Variants in NR0B2 observed in about 807,000 individuals in gnomAD.
NR0B2 encodes the protein nuclear receptor SHP.
A neutral mutation model predicts 18.9 loss-of-function variants in NR0B2; 17 were observed. The observed-to-expected ratio is 0.90, with a 90% CI of 0.62 to 1.35. The LOEUF (loss-of-function observed/expected upper bound fraction) is 1.35, where lower values mean the gene tolerates loss of function less well. NR0B2 is among the 40% of genes most tolerant of loss of function. The pLI, the probability that NR0B2 is intolerant of heterozygous loss-of-function variation, is 0.00. For synonymous variants in NR0B2, 116 were observed against 138.5 expected, an observed-to-expected ratio of 0.84 and a Z score of 1.14; for missense variants, 312 against 333.3, an observed-to-expected ratio of 0.94 and a Z score of 0.50.
At position 26,913,758 on chromosome 1, in the gene NR0B2, A is replaced by G. The variant is rs760292984; in HGVS notation, c.183T>C (p.Asp61=). 6.3e-7 allele frequency: 1 copy of G among 1,580,286 alleles called. No individual in the cohort carries two copies. Among genetic ancestry groups the G allele is most frequent in the East Asian group, 2.3e-5 (1 of 44,376 alleles). ...APHRTCREAL[D]VLAKTVAFLR... ...GGAAGGCCACTGTCTTGGCCAGAAC[A>G]TCCAAGGCCTCCCGGCAGGTGCGAT... The change falls in exon 1 of 2, where the codon GAT becomes GAC. Residue 61 remains aspartate, a synonymous_variant. Transcript: ENST00000254227.
Position 26,911,781 on chromosome 1 carries a change from A to T in NR0B2, c.*64T>A. The T allele has an allele frequency of 6.2e-7, 1 of 1,609,088 alleles. No individual in the cohort carries two copies. Among genetic ancestry groups the T allele is most frequent in the Non-Finnish European group, 8.5e-7 (1 of 1,176,208 alleles). On this transcript the variant is annotated 3_prime_UTR_variant, in exon 2 of 2. Coordinates refer to ENST00000254227, the MANE Select transcript of NR0B2 (RefSeq NM_021969.3). ...CAGGAGCATTGGGTCACCTCTGGGG[A>T]TGGCCAGGCTGAATCAGCACTGCCA...
Position 26,913,784 on chromosome 1 carries a change from G to A in NR0B2, c.157C>T (p.His53Tyr), listed in dbSNP as rs1327637684. Reference sequence around the variant, plus strand: ...TCCAAGGCCTCCCGGCAGGTGCGATGAGGTGCACATAGCTGGACGGGCCGG... The same window carrying A: ...TCCAAGGCCTCCCGGCAGGTGCGATAAGGTGCACATAGCTGGACGGGCCGG... ...QHRPVQLCAPHRTCREALDVL... is the reference protein window; with the variant it reads ...QHRPVQLCAPYRTCREALDVL... Residue 53 changes from histidine to tyrosine, a missense_variant, in exon 1 of 2, where the codon CAT becomes TAT. Coordinates refer to ENST00000254227, the MANE Select transcript of NR0B2 (RefSeq NM_021969.3). 1.9e-6 allele frequency: 3 copies of A among 1,557,252 alleles called. No individual in the cohort carries two copies. Among genetic ancestry groups the A allele is most frequent in the East Asian group, 2.3e-5 (1 of 43,938 alleles).
Position 26,913,639 on chromosome 1 carries a change from GCCAACCCAA to G in NR0B2, c.293_301del (p.Leu98_Ala101delinsPro), listed in dbSNP as rs765008193. ...CACCTCAAAGGTCACAGCATCTTGG[GCCAACCCAA>G]GCAGGAAGAGGGGGCCCCAGCAACC... On this transcript the variant is annotated inframe_deletion, in exon 1 of 2. Transcript: ENST00000254227. The G allele has an allele frequency of 3.9e-5, 63 of 1,613,830 alleles. No individual in the cohort carries two copies. The East Asian group carries it at 1.4e-3, about 35-fold the overall frequency.
At chr1:26,912,527 A>AT (rs1387896218) in intron 1 of NR0B2, among the ~76,000 whole-genome samples, 1 of 152,128 alleles carries the variant, frequency 6.6e-6, no homozygotes, top group African/African-American at 2.4e-5. Flanking sequence ...TGATATGAGT[A>AT]TTTGCTACTA....
chr1:26,912,627 C>G (rs1557666791), intron 1 of NR0B2, among the ~76,000 whole-genome samples: 1 of 152,214 alleles, frequency 6.6e-6, no homozygotes, highest in Non-Finnish European at 1.5e-5. Flanking sequence ...ACAAACAGCA[C>G]TGTCTCCATC....
rs1361071101 is a variant in NR0B2 at position 26,911,993 on chromosome 1, G to A, written c.626C>T (p.Ala209Val). 1 of 1,614,250 alleles carries A rather than the reference G, an allele frequency of 6.2e-7. No homozygotes were observed. The highest frequency in any genetic ancestry group is 1.7e-5 in the Admixed American group (1 of 60,036). The stretch of plus-strand genomic sequence containing the variant: ...GACACGGGTCAGGCGGCCTTGGGCT[G>A]CTGGGCACCAGGGTTCCAGGACTTC... ...LCEVLEPWCP[A>V]AQGRLTRVLL... Residue 209 changes from alanine (A) to valine (V), a missense_variant, in exon 2 of 2, where the codon GCA (alanine) becomes GTA (valine). By Grantham distance (64) the Ala-to-Val change is moderately conservative. Transcript: ENST00000254227.
intron 1 of NR0B2, among the ~76,000 whole-genome samples, chr1:26,912,716 A>G (rs1478681019): frequency 6.6e-6 from 1 of 151,912 alleles, no homozygotes; most frequent in East Asian, 1.9e-4. Context: ...CTTCTATGTG[A>G]TCTTTCTGAA....
rs2082046388 is a variant in NR0B2 at position 26,913,911 on chromosome 1, T to C, written c.30A>G (p.Pro10=). 1 of 1,481,770 alleles carries C rather than the reference T, an allele frequency of 6.7e-7. No homozygotes were observed. Among genetic ancestry groups the C allele is most frequent in the East Asian group, 2.3e-5 (1 of 43,250 alleles). 91.8% of individuals were successfully genotyped at this position (1,481,770 alleles called of 1,614,324 possible). A position where few individuals can be genotyped will look rare whatever the true frequency, so the allele number is the denominator to read the frequency against. The change falls in exon 1 of 2, where the codon CCA becomes CCG. Residue 10 remains proline (P), a synonymous_variant. Transcript: ENST00000254227. The part of the protein sequence containing the change: MSTSQPGAC[P]CQGAASRPAI... ...CGGGGCGGCTTGCAGCTCCCTGGCA[T>C]GGGCAGGCCCCTGGTTGGCTGGTGC...
Position 26,913,807 on chromosome 1 carries a change from C to A in NR0B2, c.134G>T (p.Arg45Leu). 2 of 1,526,314 alleles carry A rather than the reference C, an allele frequency of 1.3e-6. No homozygotes were observed. The highest frequency in any genetic ancestry group is 1.8e-4 in the Middle Eastern group (1 of 5,646). The allele number at this position is 1,526,314 out of a possible 1,614,324, so 94.5% of individuals were successfully genotyped here. ...PRSRCLCRQHRPVQLCAPHRT... is the reference protein window; with the variant it reads ...PRSRCLCRQHLPVQLCAPHRT... ...ATGAGGTGCACATAGCTGGACGGGC[C>A]GGTGCTGCCTACATAGGCAGCGGCT... is the stretch of plus-strand genomic sequence containing the variant. Residue 45 changes from arginine (R) to leucine (L), a missense_variant, in exon 1 of 2, where the codon CGG (arginine) becomes CTG (leucine). Coordinates refer to ENST00000254227, the MANE Select transcript of NR0B2 (RefSeq NM_021969.3).
Position 26,911,634 on chromosome 1 carries a change from A to C in NR0B2, c.*211T>G. 1 of 609,092 alleles carries C rather than the reference A, an allele frequency of 1.6e-6. No individual in the cohort carries two copies. Among genetic ancestry groups the C allele is most frequent in the Non-Finnish European group, 3.0e-6 (1 of 338,266 alleles). 37.7% of individuals were successfully genotyped at this position (609,092 alleles called of 1,614,324 possible). Reference sequence around the variant, plus strand: ...TCTTGGCCCAGAGGCTGTGGGGACCACCAAAAGCCTCCCAGGCAGCTGGAA... The same window carrying C: ...TCTTGGCCCAGAGGCTGTGGGGACCCCCAAAAGCCTCCCAGGCAGCTGGAA... On this transcript the variant is annotated 3_prime_UTR_variant, in exon 2 of 2. Coordinates refer to ENST00000254227, the MANE Select transcript of NR0B2 (RefSeq NM_021969.3).
intron 1 of NR0B2, among the ~76,000 whole-genome samples, chr1:26,912,447 G>C (rs1202908717): frequency 6.6e-6 from 1 of 152,086 alleles, no homozygotes; most frequent in Admixed American, 6.6e-5. Flanking sequence ...CTGTCTCCTA[G>C]GCTTTTATGA....
chr1:26,913,969 C>G lies in NR0B2; in HGVS notation c.-29G>C. On this transcript the variant is annotated 5_prime_UTR_variant, in exon 1 of 2. Transcript: ENST00000254227. ...TAGGGATCTGCTCTCACTTCCAGCT[C>G]TCTGGCTCTGTGTTCTGCGCTGTGG... The G allele has an allele frequency of 7.0e-7, 1 of 1,437,564 alleles. No homozygotes were observed. Among genetic ancestry groups the G allele is most frequent in the Non-Finnish European group, 9.2e-7 (1 of 1,090,924 alleles). The allele number at this position is 1,437,564 out of a possible 1,614,324, so 89.1% of individuals were successfully genotyped here.
At position 26,911,719 on chromosome 1, in the gene NR0B2, A is replaced by G; in HGVS notation, c.*126T>C. 9.0e-7 allele frequency: 1 copy of G among 1,108,912 alleles called. No individual in the cohort carries two copies. Among genetic ancestry groups the G allele is most frequent in the South Asian group, 1.3e-5 (1 of 76,750 alleles). 68.7% of individuals were successfully genotyped at this position (1,108,912 alleles called of 1,614,324 possible). ...TGTGGCTGAGTGAAGAGCTGTTCCTAAGGAGCCAAGTGCTGTCTATACAGG... is the reference window on the plus strand; with the variant it reads ...TGTGGCTGAGTGAAGAGCTGTTCCTGAGGAGCCAAGTGCTGTCTATACAGG... On this transcript the variant is annotated 3_prime_UTR_variant, in exon 2 of 2. Coordinates refer to ENST00000254227, the MANE Select transcript of NR0B2 (RefSeq NM_021969.3).
Position 26,911,598 on chromosome 1 carries a change from A to C in NR0B2, c.*247T>G, listed in dbSNP as rs1424617930. ...CTAAGCTTTCATTCTCATCCCAAGA[A>C]GGGACAGGAGTCTTGGCCCAGAGGC... On this transcript the variant is annotated 3_prime_UTR_variant, in exon 2 of 2. Coordinates refer to ENST00000254227, the MANE Select transcript of NR0B2 (RefSeq NM_021969.3). 3 of 539,358 alleles carry C rather than the reference A, an allele frequency of 5.6e-6. No homozygotes were observed. The highest frequency in any genetic ancestry group is 3.1e-5 in the Admixed American group (1 of 32,248). 33.4% of individuals were successfully genotyped at this position (539,358 alleles called of 1,614,324 possible). A position where few individuals can be genotyped will look rare whatever the true frequency, so the allele number is the denominator to read the frequency against.
Position 26,913,864 on chromosome 1 carries a change from C to T in NR0B2, c.77G>A (p.Ser26Asn). 1 of 1,504,514 alleles carries T rather than the reference C, an allele frequency of 6.6e-7. No homozygotes were observed. The highest frequency in any genetic ancestry group is 1.4e-5 in the South Asian group (1 of 72,040). 93.2% of individuals were successfully genotyped at this position (1,504,514 alleles called of 1,614,324 possible). Reference sequence around the variant, plus strand: ...TCGGGGGACAGCCTTGAGGCTGGAGCTCAGAAGTGCGTAGAGAATGGCGGG... The same window carrying T: ...TCGGGGGACAGCCTTGAGGCTGGAGTTCAGAAGTGCGTAGAGAATGGCGGG... ...SRPAILYALL[S>N]SSLKAVPRPR... Residue 26 changes from serine to asparagine, a missense_variant, in exon 1 of 2, where the codon AGC (serine) becomes AAC (asparagine). Physicochemically the swap from Ser to Asn is conservative, Grantham distance 46. Transcript: ENST00000254227.
At chr1:26,912,166 G>A (rs2082032016) in intron 1 of NR0B2, 80 bp from the exon 2 acceptor site, 164 of 1,567,516 alleles carry the variant, frequency 1.0e-4, no homozygotes, top group Non-Finnish European at 1.4e-4. Flanking sequence ...CAAGATCTGG[G>A]CCATCAGAGA....
At chr1:26,913,062 C>T (rs1044658516) in intron 1 of NR0B2, among the ~76,000 whole-genome samples, 2 of 152,160 alleles carry the variant, frequency 1.3e-5, no homozygotes, top group Admixed American at 6.6e-5. Flanking sequence ...GTGGGTGGAT[C>T]ACCTGAGGGG....
At position 26,913,799 on chromosome 1, in the gene NR0B2, G is replaced by A. The variant is rs2082044919; in HGVS notation, c.142C>T (p.Gln48Ter). Residue 48 changes from glutamine to a stop codon, truncating the protein, a stop_gained, in exon 1 of 2, where the codon CAG becomes TAG. Coordinates refer to ENST00000254227, the MANE Select transcript of NR0B2 (RefSeq NM_021969.3). LOFTEE classifies it high-confidence loss of function. ...RCLCRQHRPV[Q>*]LCAPHRTCRE... ...CAGGTGCGATGAGGTGCACATAGCT[G>A]GACGGGCCGGTGCTGCCTACATAGG... The A allele has an allele frequency of 1.3e-6, 2 of 1,535,258 alleles. No individual in the cohort carries two copies. Among genetic ancestry groups the A allele is most frequent in the Non-Finnish European group, 1.8e-6 (2 of 1,139,964 alleles).
At chr1:26,912,654 G>A (rs906044195) in intron 1 of NR0B2, among the ~76,000 whole-genome samples, 9 of 152,118 alleles carry the variant, frequency 5.9e-5, no homozygotes, top group Non-Finnish European at 1.3e-4. Context: ...TCTCCTGGCC[G>A]AATTCCATAA....
Sources: gnomAD v4.1 joint callset for allele counts (sites outside exome capture counted in the v4.1 genomes callset) on GRCh38, gnomAD v4.1.1 for gene constraint, MANE v1.5 for transcripts, NCBI Gene and HGNC (gene_info 2026-07-23, HGNC 2026-07-21) for gene names.